ZNF18: variants seen among roughly 807,000 people sequenced by gnomAD.
ZNF18 encodes the protein heart development-specific gene 1 protein.
ZNF18 carries 42 observed loss-of-function variants against 58.1 expected under a neutral mutation model. The ratio of observed to expected loss-of-function variants is 0.72; its 90% CI spans 0.56 to 0.93. ZNF18 has a LOEUF of 0.93. ZNF18 is among the 40% of genes least tolerant of loss of function. ZNF18 has a pLI of 0.00. For missense variants in ZNF18, 540 were observed against 644.2 expected, an observed-to-expected ratio of 0.84 and a Z score of 1.75; for synonymous variants, 231 against 239.8, an observed-to-expected ratio of 0.96 and a Z score of 0.34.
intron 1 of ZNF18, among the ~76,000 whole-genome samples, chr17:11,994,176 A>G (rs1440927004): frequency 6.6e-6 from 1 of 152,224 alleles, no homozygotes; most frequent in African/African-American, 2.4e-5. Flanking sequence ...ATCAGAGATC[A>G]GTACAATACT....
the ZNF18 span, among the ~76,000 whole-genome samples, chr17:12,012,232 C>A: frequency 2.2e-4 from 33 of 152,246 alleles, no homozygotes; most frequent in South Asian, 4.6e-3. Flanking sequence ...CAAATAGTAG[C>A]AAACCATGGT....
chr17:12,001,585 C>T (rs1968656794), upstream of ZNF18, among the ~76,000 whole-genome samples: 1 of 152,152 alleles, frequency 6.6e-6, no homozygotes, highest in South Asian at 2.1e-4. Context: ...ACCGAGATTG[C>T]GCCACTGCAC....
chr17:11,998,842 T>TGTGTG (rs1179646930), upstream of ZNF18, among the ~76,000 whole-genome samples: 1 of 147,998 alleles, frequency 6.8e-6, no homozygotes, highest in Non-Finnish European at 1.5e-5. Flanking sequence ...TTTTTTTTTT[T>TGTGTG]TTTTTGTATT....
the ZNF18 span, among the ~76,000 whole-genome samples, chr17:12,011,763 C>T: frequency 6.3e-5 from 9 of 143,946 alleles, no homozygotes; most frequent in Admixed American, 3.0e-4. Context: ...TGCAGTGGCA[C>T]GATCTTGGCT....
chr17:12,020,734 G>A, the ZNF18 span: 2 of 379,194 alleles, frequency 5.3e-6, no homozygotes. Flanking sequence ...CGGGCTGCGC[G>A]TCGGGCTCTG....
At chr17:11,978,954 TCAG>T (rs1395950164) in intron 6 of ZNF18, among the ~76,000 whole-genome samples, 2 of 149,152 alleles carry the variant, frequency 1.3e-5, no homozygotes, top group Non-Finnish European at 3.0e-5. Flanking sequence ...GCTAAATGGT[TCAG>T]CTCTGGAGCT....
At chr17:12,007,860 C>T in the ZNF18 span, among the ~76,000 whole-genome samples, 6 of 152,168 alleles carry the variant, frequency 3.9e-5, no homozygotes, top group East Asian at 3.9e-4. Context: ...ATTGGTGACA[C>T]GTCTGTCACT....
Position 11,984,170 on chromosome 17 carries a change from G to T in ZNF18, c.694C>A (p.Gln232Lys), listed in dbSNP as rs1967566176. 1.2e-6 allele frequency: 2 copies of T among 1,609,412 alleles called. No homozygotes were observed. Among genetic ancestry groups the T allele is most frequent in the East Asian group, 4.5e-5 (2 of 44,694 alleles). Residue 232 changes from glutamine (Q) to lysine (K), a missense_variant, in exon 5 of 7, where the codon CAA (glutamine) becomes AAA (lysine). Transcript: ENST00000580306. ...QEQWRQLDST[Q>K]KEQYWDLMLE... The stretch of plus-strand genomic sequence containing the variant: ...ATGAGATCCCAGTATTGCTCCTTTT[G>T]AGTGGAATCCAGTTGTCTCCACTGT...
the ZNF18 span, among the ~76,000 whole-genome samples, chr17:12,012,710 C>T: frequency 2.6e-5 from 4 of 152,130 alleles, no homozygotes; most frequent in Non-Finnish European, 5.9e-5. Flanking sequence ...AAATCTTCCT[C>T]TGTGGCCCAG....
chr17:12,005,200 T>C, the ZNF18 span, among the ~76,000 whole-genome samples: 1 of 150,844 alleles, frequency 6.6e-6, no homozygotes, highest in Non-Finnish European at 1.5e-5. Context: ...GATACTAATA[T>C]ATGCATATAT....
At chr17:11,981,468 C>G (rs1241973312) in intron 6 of ZNF18, among the ~76,000 whole-genome samples, 2 of 151,024 alleles carry the variant, frequency 1.3e-5, no homozygotes, top group African/African-American at 4.9e-5. Flanking sequence ...TACAGGTGCT[C>G]ACACCATGCC....
the ZNF18 span, among the ~76,000 whole-genome samples, chr17:12,016,232 G>A: frequency 7.2e-5 from 11 of 152,136 alleles, no homozygotes; most frequent in Admixed American, 4.6e-4. Flanking sequence ...GAATATGACC[G>A]TTACCCCAGA....
the ZNF18 span, among the ~76,000 whole-genome samples, chr17:12,017,515 G>A: frequency 4.6e-5 from 7 of 152,160 alleles, no homozygotes; most frequent in Non-Finnish European, 8.8e-5. Flanking sequence ...CCCAGAGGCT[G>A]AAATTGGGGT....
At position 11,978,522 on chromosome 17, in the gene ZNF18, TGAG is replaced by T. The variant is rs1967132325; in HGVS notation, c.1082_1084del (p.Pro361del). 6.2e-7 allele frequency: 1 copy of T among 1,609,612 alleles called. No homozygotes were observed. The highest frequency in any genetic ancestry group is 1.7e-5 in the Admixed American group (1 of 58,896). On this transcript the variant is annotated inframe_deletion, in exon 7 of 7. Coordinates refer to ENST00000580306, the MANE Select transcript of ZNF18 (RefSeq NM_001303281.2). ...TAGTTGTTTCTCAGAAATCCTTTCT[TGAG>T]GAGACAGCTGTTCCCCTGTTCCCTC...
chr17:12,018,126 A>G, the ZNF18 span, among the ~76,000 whole-genome samples: 35 of 152,344 alleles, frequency 2.3e-4, no homozygotes, highest in Admixed American at 8.5e-4. Context: ...CAGGAGTTTC[A>G]GGCCCATTTG....
chr17:11,981,927 T>A (rs1967385597), intron 6 of ZNF18, among the ~76,000 whole-genome samples: 2 of 152,164 alleles, frequency 1.3e-5, no homozygotes, highest in African/African-American at 2.4e-5. Flanking sequence ...TATGATGGTA[T>A]TTGGAGATGG....
Position 11,992,603 on chromosome 17 carries a change from G to A in ZNF18, c.227C>T (p.Thr76Ile). The stretch of plus-strand genomic sequence containing the variant: ...GAGGATCTCTAGGATCTGCTCTTTG[G>A]TGTGAACCTCTGGCTGTAGCCACTG... ...CFQWLQPEVHTKEQILEILML... is the reference protein window; with the variant it reads ...CFQWLQPEVHIKEQILEILML... The change falls in exon 2 of 7, where the codon ACC (threonine) becomes ATC (isoleucine). Residue 76 changes from threonine (T) to isoleucine (I), a missense_variant. Thr to Ile is a moderately conservative substitution (Grantham distance 89). Transcript: ENST00000580306. 6.2e-7 allele frequency: 1 copy of A among 1,614,208 alleles called. No individual in the cohort carries two copies. The highest frequency in any genetic ancestry group is 2.2e-5 in the East Asian group (1 of 44,882).
intron 6 of ZNF18, among the ~76,000 whole-genome samples, chr17:11,981,987 G>A (rs940061434): frequency 2.0e-5 from 3 of 151,996 alleles, no homozygotes; most frequent in African/African-American, 7.3e-5. Flanking sequence ...CCTAAGGGTG[G>A]AGTCCTCATG....
At chr17:11,981,174 C>T (rs1967317333) in intron 6 of ZNF18, among the ~76,000 whole-genome samples, 1 of 152,132 alleles carries the variant, frequency 6.6e-6, no homozygotes, top group Non-Finnish European at 1.5e-5. Context: ...ACTGTGACTT[C>T]CACAATTATT....
Sources: allele counts gnomAD v4.1 joint callset (sites outside exome capture counted in the v4.1 genomes callset), GRCh38; gene constraint gnomAD v4.1.1; transcripts MANE v1.5; gene names NCBI Gene and HGNC (gene_info 2026-07-23, HGNC 2026-07-21).